The following BEND7 variants were observed in gnomAD, a reference collection of about 807,000 sequenced individuals.
The protein encoded by BEND7 is BEN domain-containing protein 7.
Under a neutral mutation model 50.9 loss-of-function variants are expected in BEND7, and 28 were observed. That is an observed-to-expected ratio of 0.55 (90% CI 0.41 to 0.75). The LOEUF is 0.75. BEND7 is among the 30% of genes least tolerant of loss of function. The pLI is 0.00. For synonymous variants in BEND7, 170 were observed against 183.9 expected, an observed-to-expected ratio of 0.92 and a Z score of 0.61; for missense variants, 477 against 491.3, an observed-to-expected ratio of 0.97 and a Z score of 0.28.
At chr10:13,511,293 C>T (rs559423425) in intron 2 of BEND7, 1 of 152,266 alleles carries the variant, frequency 6.6e-6, no homozygotes, top group African/African-American at 2.4e-5. Flanking sequence ...ATTGAGGTAA[C>T]TAACTAACTT....
At chr10:13,480,115 G>T (rs1336450742) in intron 6 of BEND7, among the ~76,000 whole-genome samples, 1 of 152,138 alleles carries the variant, frequency 6.6e-6, no homozygotes, top group African/African-American at 2.4e-5. Context: ...TTTGAGACTT[G>T]GTTTATGTTC....
intron 8 of BEND7, chr10:13,443,762 A>G (rs1270370125): frequency 6.6e-6 from 1 of 152,234 alleles, no homozygotes; most frequent in African/African-American, 2.4e-5. Flanking sequence ...TTTGCCATAG[A>G]GTGGAAAAAT....
intron 7 of BEND7, among the ~76,000 whole-genome samples, chr10:13,452,075 G>T (rs188968549): frequency 6.6e-6 from 1 of 152,142 alleles, no homozygotes; most frequent in African/African-American, 2.4e-5. Context: ...GTGCATGGAC[G>T]TGTGAGCACA....
At chr10:13,523,143 T>TGGCTGAACTG (rs1480001040) in intron 2 of BEND7, among the ~76,000 whole-genome samples, 14 of 152,204 alleles carry the variant, frequency 9.2e-5, no homozygotes, top group Non-Finnish European at 1.5e-4. Context: ...GAGTTCAGAG[T>TGGCTGAACTG]ATCTTCTATA....
At chr10:13,522,485 C>T (rs1352010424) in intron 2 of BEND7, among the ~76,000 whole-genome samples, 1 of 152,130 alleles carries the variant, frequency 6.6e-6, no homozygotes. Context: ...CCCTGACTAC[C>T]CCACAGGTAT....
intron 8 of BEND7, chr10:13,446,785 G>A (rs1164625026): frequency 1.7e-5 from 3 of 177,118 alleles, no homozygotes; most frequent in African/African-American, 4.8e-5. Context: ...TGCCACTCAC[G>A]CCGGATGGCT....
At chr10:13,445,080 A>C (rs939291404) in intron 8 of BEND7, 1 of 152,140 alleles carries the variant, frequency 6.6e-6, no homozygotes, top group Non-Finnish European at 1.5e-5. Flanking sequence ...GGCCTCCCAA[A>C]GTGCTGGGAT....
In BEND7 at chr10:13,504,282, C is replaced by T. The variant is rs551663455; in HGVS notation, c.146-4202G>A. 6.5e-4 allele frequency among the ~76,000 whole-genome samples: 99 copies of T among 152,262 alleles called. 1 individual carries two copies. The highest frequency in any genetic ancestry group is 1.8e-3 in the African/African-American group (76 of 41,550). On this transcript the variant is annotated intron_variant, in intron 2 of 8. Transcript: ENST00000466271. ...CACCTGGTCTCGCCTCCTAACTACG[C>T]CCACCTGCTACTGGATACTAGCCAA...
At chr10:13,490,803 T>A (rs1037158115) in intron 5 of BEND7, among the ~76,000 whole-genome samples, 8 of 152,130 alleles carry the variant, frequency 5.3e-5, no homozygotes, top group Admixed American at 3.9e-4. Context: ...ATTTTGTTTT[T>A]TTGTTTTTGT....
chr10:13,526,089 C>G (rs1341617793), intron 2 of BEND7, 49 bp downstream of exon 2: 1 of 1,031,626 alleles, frequency 9.7e-7, no homozygotes, highest in Non-Finnish European at 1.3e-6. Context: ...CCCCTAATTG[C>G]AAATGGTCAC....
chr10:13,456,231 G>A (rs1838933185), intron 6 of BEND7, among the ~76,000 whole-genome samples: 1 of 152,154 alleles, frequency 6.6e-6, no homozygotes, highest in Non-Finnish European at 1.5e-5. Context: ...TCAATGGGTT[G>A]GCAGGCAGGG....
intron 2 of BEND7, among the ~76,000 whole-genome samples, chr10:13,521,362 G>C (rs1243130339): frequency 1.3e-5 from 2 of 152,110 alleles, no homozygotes; most frequent in African/African-American, 4.8e-5. Context: ...ACGTTTCTTG[G>C]GACAATTAAT....
chr10:13,451,189 C>G (rs773746358), intron 7 of BEND7, among the ~76,000 whole-genome samples: 1 of 151,044 alleles, frequency 6.6e-6, no homozygotes, highest in African/African-American at 2.4e-5. Context: ...AATTTCTCCA[C>G]CTTTTTTTTT....
At chr10:13,520,741 G>A (rs1028066876) in intron 2 of BEND7, among the ~76,000 whole-genome samples, 5 of 152,112 alleles carry the variant, frequency 3.3e-5, no homozygotes, top group African/African-American at 9.7e-5. Context: ...ACATGAGGCC[G>A]ACCCAACAGC....
At chr10:13,452,237 C>T (rs980852224) in intron 7 of BEND7, among the ~76,000 whole-genome samples, 3 of 152,070 alleles carry the variant, frequency 2.0e-5, no homozygotes, top group African/African-American at 7.2e-5. Context: ...CAGACAGAAG[C>T]GAACCATAAA....
At chr10:13,443,875 A>T (rs963168903) in intron 8 of BEND7, 4 of 152,224 alleles carry the variant, frequency 2.6e-5, no homozygotes, top group African/African-American at 9.6e-5. Context: ...GAGAAAAATC[A>T]TCCAATAATG....
At chr10:13,494,181 G>A (rs2076868251) in intron 4 of BEND7, among the ~76,000 whole-genome samples, 1 of 152,186 alleles carries the variant, frequency 6.6e-6, no homozygotes, top group African/African-American at 2.4e-5. Context: ...CACTTTGGGA[G>A]GCCGAGGTGG....
chr10:13,520,925 G>A (rs564291936), intron 2 of BEND7, among the ~76,000 whole-genome samples: 57 of 152,182 alleles, frequency 3.7e-4, no homozygotes, highest in Admixed American at 3.1e-3. Context: ...AGAAGCCATC[G>A]GTATTTAAGT....
chr10:13,505,507 C>T (rs34623802), intron 2 of BEND7, among the ~76,000 whole-genome samples: 30,780 of 152,150 alleles, frequency 0.2, 3,217 homozygotes, highest in African/African-American at 0.24. Context: ...CCGCTCTGGC[C>T]TGCGTGTGTG....
Sources: allele counts gnomAD v4.1 joint callset (sites outside exome capture counted in the v4.1 genomes callset), GRCh38; gene constraint gnomAD v4.1.1; transcripts MANE v1.5; gene names NCBI Gene and HGNC (gene_info 2026-07-23, HGNC 2026-07-21).